Variants in RGS7 observed in about 807,000 individuals in gnomAD.
The protein encoded by RGS7 is regulator of G-protein signaling 7.
Under a neutral mutation model 81.1 loss-of-function variants are expected in RGS7, and 27 were observed. The ratio of observed to expected loss-of-function variants is 0.33; its 90% CI spans 0.25 to 0.46. The LOEUF (loss-of-function observed/expected upper bound fraction) is 0.46. Ranked by LOEUF, RGS7 falls within the 20% of genes least tolerant of loss-of-function variation. RGS7 has a pLI of 1.00. For missense variants in RGS7, 396 were observed against 607.4 expected, an observed-to-expected ratio of 0.65 and a Z score of 3.66; for synonymous variants, 208 against 207.7, an observed-to-expected ratio of 1.00 and a Z score of -0.01.
intron 2 of RGS7, among the ~76,000 whole-genome samples, chr1:241,185,859 C>A (rs1290797984): frequency 6.6e-6 from 1 of 151,884 alleles, no homozygotes; most frequent in Admixed American, 6.6e-5. Flanking sequence ...AAAATTAATA[C>A]CACCAAATGC....
At chr1:240,866,847 G>A (rs1663391515) in intron 9 of RGS7, among the ~76,000 whole-genome samples, 2 of 152,052 alleles carry the variant, frequency 1.3e-5, no homozygotes, top group African/African-American at 4.8e-5. Context: ...AAATAGACGT[G>A]GGCAGTGCAG....
intron 2 of RGS7, among the ~76,000 whole-genome samples, chr1:241,146,510 C>T (rs2068321216): frequency 6.6e-6 from 1 of 152,164 alleles, no homozygotes; most frequent in Admixed American, 6.6e-5. Context: ...GTTCCCCTAT[C>T]CTTGCTCAAC....
chr1:241,009,750 A>G (rs1295482857), intron 3 of RGS7, among the ~76,000 whole-genome samples: 1 of 152,242 alleles, frequency 6.6e-6, no homozygotes, highest in East Asian at 1.9e-4. Flanking sequence ...TAGAAGGCAT[A>G]CTGCAAATTG....
intron 9 of RGS7, among the ~76,000 whole-genome samples, chr1:240,857,888 A>G (rs1398950920): frequency 6.6e-6 from 1 of 152,134 alleles, no homozygotes; most frequent in African/African-American, 2.4e-5. Flanking sequence ...GTGAGTTCTC[A>G]GGAGATCTGA....
intron 2 of RGS7, among the ~76,000 whole-genome samples, chr1:241,122,130 G>A (rs2066315832): frequency 6.6e-6 from 1 of 152,140 alleles, no homozygotes; most frequent in Non-Finnish European, 1.5e-5. Flanking sequence ...ACATTGTTCA[G>A]TAAGTTCACG....
intron 2 of RGS7, among the ~76,000 whole-genome samples, chr1:241,289,584 A>C (rs901704415): frequency 2.6e-5 from 4 of 152,216 alleles, no homozygotes; most frequent in Non-Finnish European, 5.9e-5. Flanking sequence ...CAATTCTATA[A>C]CATAGTTGTT....
chr1:241,131,846 G>A (rs529369092), intron 2 of RGS7, among the ~76,000 whole-genome samples: 19 of 152,292 alleles, frequency 1.2e-4, no homozygotes, highest in African/African-American at 4.6e-4. Context: ...AAATGCAGAG[G>A]AAATATTTAT....
At chr1:240,871,768 G>A (rs1664532536) in intron 6 of RGS7, among the ~76,000 whole-genome samples, 2 of 152,026 alleles carry the variant, frequency 1.3e-5, no homozygotes, top group Non-Finnish European at 2.9e-5. Flanking sequence ...TACCCCTGAG[G>A]GTGTCTCTTC....
intron 9 of RGS7, among the ~76,000 whole-genome samples, chr1:240,834,067 G>A (rs1694286723): frequency 6.6e-6 from 1 of 152,196 alleles, no homozygotes; most frequent in African/African-American, 2.4e-5. Flanking sequence ...TATTACAGGT[G>A]CGAAGCACTG....
At position 240,986,847 on chromosome 1, in the gene RGS7, G is replaced by T. The variant is rs1186490717; in HGVS notation, c.176-3718C>A. 1.4e-3 allele frequency among the ~76,000 whole-genome samples: 2 copies of T among 1,386 alleles called. 1 individual carries two copies. The highest frequency in any genetic ancestry group is 6.7e-3 in the African/African-American group (2 of 298). The allele number at this position is 1,386 out of a possible 152,430, so 0.9% of individuals were successfully genotyped here. A position where few individuals can be genotyped will look rare whatever the true frequency, so the allele number is the denominator to read the frequency against. On this transcript the variant is annotated intron_variant, in intron 3 of 18. Coordinates refer to ENST00000440928, the MANE Select transcript of RGS7 (RefSeq NM_001364886.1). ...TCCGCCCGCCTCGGCCTCCCAAAGTGCTGGGATTACAGGCGTGAGCCACCG... is the reference window on the plus strand; with the variant it reads ...TCCGCCCGCCTCGGCCTCCCAAAGTTCTGGGATTACAGGCGTGAGCCACCG...
chr1:241,092,432 G>C (rs6691228), intron 3 of RGS7, among the ~76,000 whole-genome samples: 45,264 of 152,068 alleles, frequency 0.3, 8,316 homozygotes, highest in African/African-American at 0.52. Context: ...TTTCAGATGA[G>C]AGAATGAATA....
intron 2 of RGS7, among the ~76,000 whole-genome samples, chr1:241,128,496 A>C (rs1012920071): frequency 1.3e-4 from 20 of 151,650 alleles, no homozygotes; most frequent in Non-Finnish European, 2.1e-4. Context: ...CTGAGGCTCG[A>C]GAAACGCTTG....
chr1:240,958,866 G>A (rs1235937907), intron 4 of RGS7, among the ~76,000 whole-genome samples: 3 of 152,100 alleles, frequency 2.0e-5, no homozygotes, highest in African/African-American at 7.2e-5. Flanking sequence ...CCTCCAATGA[G>A]CCCTAAATGC....
At chr1:240,921,570 T>C (rs1673547290) in intron 6 of RGS7, among the ~76,000 whole-genome samples, 1 of 152,118 alleles carries the variant, frequency 6.6e-6, no homozygotes, top group Non-Finnish European at 1.5e-5. Flanking sequence ...TAAGTGATCA[T>C]AGCAAAGTTG....
At chr1:240,791,923 T>A (rs73115502) in intron 18 of RGS7, among the ~76,000 whole-genome samples, 3,148 of 152,326 alleles carry the variant, frequency 0.021, 107 homozygotes, top group African/African-American at 0.072. Context: ...TTGATGCTGT[T>A]TAATTCAATG....
Position 241,133,385 on chromosome 1 carries a change from G to C in RGS7, c.79-34623C>G, listed in dbSNP as rs527529397. On this transcript the variant is annotated intron_variant, in intron 2 of 18. Coordinates refer to ENST00000440928, the MANE Select transcript of RGS7 (RefSeq NM_001364886.1). ...TATAAGTCTAAGGGCAAAAAAAAAA[G>C]AAAAGGTCTGAAAGCATACCTTAAA... is the stretch of plus-strand genomic sequence containing the variant. Among the ~76,000 whole-genome samples, 206 of 150,452 alleles carry C rather than the reference G, an allele frequency of 1.4e-3. 2 individuals carry two copies. Among genetic ancestry groups the C allele is most frequent in the African/African-American group, 4.9e-3 (200 of 41,060 alleles).
At chr1:241,102,112 T>G (rs899527609) in intron 2 of RGS7, among the ~76,000 whole-genome samples, 5 of 152,234 alleles carry the variant, frequency 3.3e-5, no homozygotes, top group African/African-American at 4.8e-5. Flanking sequence ...AACGTGATCA[T>G]GTACATGCAT....
At chr1:240,836,407 G>A (rs547337152) in intron 9 of RGS7, among the ~76,000 whole-genome samples, 1 of 152,262 alleles carries the variant, frequency 6.6e-6, no homozygotes, top group African/African-American at 2.4e-5. Context: ...ATGGTGACGT[G>A]GGTTTGCCTG....
chr1:241,186,911 T>C (rs2072174125), intron 2 of RGS7, among the ~76,000 whole-genome samples: 1 of 152,166 alleles, frequency 6.6e-6, no homozygotes, highest in African/African-American at 2.4e-5. Context: ...AAGCAGATGA[T>C]GGGTCTTGAG....
Sources: gnomAD v4.1 joint callset for allele counts (sites outside exome capture counted in the v4.1 genomes callset) on GRCh38, gnomAD v4.1.1 for gene constraint, MANE v1.5 for transcripts, NCBI Gene and HGNC (gene_info 2026-07-23, HGNC 2026-07-21) for gene names.